Variants in IGSF11 observed in about 807,000 individuals in gnomAD.
IGSF11 encodes CXADR like 1.
IGSF11 carries 22 observed loss-of-function variants against 41.0 expected under a neutral mutation model. The observed-to-expected ratio is 0.54, with a 90% CI of 0.38 to 0.77. IGSF11 has a LOEUF of 0.77. Among genes scored for constraint, IGSF11 ranks in the 30% least tolerant of loss-of-function variants. The pLI is 0.00. For synonymous variants in IGSF11, 219 were observed against 201.3 expected (o/e 1.09, Z -0.74); for missense variants, 444 against 530.8 (o/e 0.84, Z 1.61).
intron 1 of IGSF11, among the ~76,000 whole-genome samples, chr3:118,931,387 G>A (rs1005518794): frequency 3.3e-5 from 5 of 152,106 alleles, no homozygotes; most frequent in Admixed American, 3.3e-4. Flanking sequence ...ATCATGTCCT[G>A]AAAAGGAAAT....
At chr3:119,099,176 C>A (rs1387379820) in intron 1 of IGSF11, among the ~76,000 whole-genome samples, 2 of 152,122 alleles carry the variant, frequency 1.3e-5, no homozygotes, top group East Asian at 3.8e-4. Context: ...TGCGGATAAT[C>A]CCTCTGGTGT....
intron 1 of IGSF11, among the ~76,000 whole-genome samples, chr3:119,008,456 A>G (rs1475374606): frequency 1.3e-5 from 2 of 152,230 alleles, no homozygotes; most frequent in African/African-American, 4.8e-5. Flanking sequence ...TGGATATTAA[A>G]AGATCCTGTA....
intron 1 of IGSF11, among the ~76,000 whole-genome samples, chr3:119,129,802 T>C (rs2077452469): frequency 6.6e-6 from 1 of 152,110 alleles, no homozygotes; most frequent in Non-Finnish European, 1.5e-5. Context: ...TTGGAAAATA[T>C]AGTGAGACAC....
chr3:119,019,127 A>G (rs1422384840), intron 1 of IGSF11, among the ~76,000 whole-genome samples: 1 of 152,112 alleles, frequency 6.6e-6, no homozygotes, highest in African/African-American at 2.4e-5. Context: ...AACTGCTTAT[A>G]TATTTGCTGC....
intron 1 of IGSF11, among the ~76,000 whole-genome samples, chr3:118,957,607 C>T (rs907986432): frequency 6.6e-6 from 1 of 152,198 alleles, no homozygotes; most frequent in Non-Finnish European, 1.5e-5. Flanking sequence ...TCATCACACT[C>T]GCCATTCCTT....
chr3:119,067,153 C>T (rs1942258259), intron 1 of IGSF11, among the ~76,000 whole-genome samples: 1 of 152,092 alleles, frequency 6.6e-6, no homozygotes, highest in Non-Finnish European at 1.5e-5. Flanking sequence ...TACAAAGCTC[C>T]AAGTAATGTT....
intron 1 of IGSF11, among the ~76,000 whole-genome samples, chr3:119,083,004 A>G (rs1233133833): frequency 2.0e-5 from 3 of 152,222 alleles, no homozygotes; most frequent in African/African-American, 7.2e-5. Context: ...TGTAATGAAG[A>G]AGGCTAAATT....
chr3:118,941,768 A>G (rs1016099703), intron 1 of IGSF11, among the ~76,000 whole-genome samples: 8 of 152,260 alleles, frequency 5.3e-5, no homozygotes, highest in African/African-American at 1.4e-4. Flanking sequence ...ACAGCCATTT[A>G]ATGAAATATT....
chr3:119,031,203 GC>G (rs1940365193), intron 1 of IGSF11, among the ~76,000 whole-genome samples: 1 of 152,156 alleles, frequency 6.6e-6, no homozygotes, highest in Non-Finnish European at 1.5e-5. Flanking sequence ...ATTGCAGTGA[GC>G]CAAGATGGCG....
intron 1 of IGSF11, among the ~76,000 whole-genome samples, chr3:118,955,317 G>A (rs1029595372): frequency 6.6e-6 from 1 of 151,760 alleles, no homozygotes; most frequent in African/African-American, 2.4e-5. Context: ...AGCATTCACA[G>A]CAACCCAGAT....
chr3:118,969,110 T>A (rs1352845926), intron 1 of IGSF11, among the ~76,000 whole-genome samples: 1 of 151,336 alleles, frequency 6.6e-6, no homozygotes, highest in Non-Finnish European at 1.5e-5. Context: ...AAGTTTATCA[T>A]CGAGTTGGAG....
At chr3:118,985,386 T>G (rs1443385930) in intron 1 of IGSF11, among the ~76,000 whole-genome samples, 3 of 152,184 alleles carry the variant, frequency 2.0e-5, no homozygotes, top group African/African-American at 7.2e-5. Context: ...TCTGTCACAA[T>G]GCAAAGACAA....
chr3:118,981,629 C>G (rs1257699961), intron 1 of IGSF11, among the ~76,000 whole-genome samples: 1 of 152,170 alleles, frequency 6.6e-6, no homozygotes, highest in Non-Finnish European at 1.5e-5. Context: ...CCCTGTGGGA[C>G]AGCTAAACAG....
chr3:119,142,136 A>G (rs9827064), intron 1 of IGSF11, among the ~76,000 whole-genome samples: 150,845 of 152,050 alleles, frequency 0.99, 74,839 homozygotes, highest in Middle Eastern at 1. Flanking sequence ...TTAGCTGGGC[A>G]TGGTGGCGGG....
At chr3:118,945,455 G>A (rs1208822682) in intron 1 of IGSF11, among the ~76,000 whole-genome samples, 2 of 152,160 alleles carry the variant, frequency 1.3e-5, no homozygotes, top group Non-Finnish European at 2.9e-5. Flanking sequence ...AACTTCCCAT[G>A]ATGAAGCCGT....
At chr3:119,038,356 T>C (rs1201062412), upstream of IGSF11, among the ~76,000 whole-genome samples, 2 of 152,210 alleles carry the variant, frequency 1.3e-5, no homozygotes, top group African/African-American at 4.8e-5. Flanking sequence ...TTCTTCCCAC[T>C]CCTCTGTCAA....
chr3:118,947,550 A>C (rs1005599724), intron 1 of IGSF11: 1 of 152,264 alleles, frequency 6.6e-6, no homozygotes, highest in African/African-American at 2.4e-5. Flanking sequence ...TACTTGTTAT[A>C]AATAAGATAA....
At chr3:119,109,197 C>A (rs1305576139), upstream of IGSF11, among the ~76,000 whole-genome samples, 17 of 143,852 alleles carry the variant, frequency 1.2e-4, no homozygotes, top group African/African-American at 3.6e-4. Flanking sequence ...TGGTAGAATT[C>A]GGCTGTGAAT....
At chr3:118,921,397 A>G (rs1941777459) in intron 4 of IGSF11, among the ~76,000 whole-genome samples, 1 of 152,174 alleles carries the variant, frequency 6.6e-6, no homozygotes, top group South Asian at 2.1e-4. Context: ...AGCAAGATAG[A>G]TTTTAAAAAT....
Sources: allele counts gnomAD v4.1 joint callset (sites outside exome capture counted in the v4.1 genomes callset), GRCh38; gene constraint gnomAD v4.1.1; transcripts MANE v1.5; gene names NCBI Gene and HGNC (gene_info 2026-07-23, HGNC 2026-07-21).